The following AP2A1 variants were observed in gnomAD, a reference collection of about 807,000 sequenced individuals.
The protein encoded by AP2A1 is AP-2 complex subunit alpha-1.
Under a neutral mutation model 107.3 loss-of-function variants are expected in AP2A1, and 21 were observed. That is an observed-to-expected ratio of 0.20 (90% CI 0.14 to 0.28). The LOEUF (loss-of-function observed/expected upper bound fraction) is 0.28. AP2A1 is among the 10% of genes least tolerant of loss of function. The pLI is 1.00. For synonymous variants in AP2A1, 602 were observed against 564.8 expected (o/e 1.07, Z -0.93); for missense variants, 873 against 1,307.7 (o/e 0.67, Z 5.13).
chr19:49,803,360 G>T lies in AP2A1; in HGVS notation c.2328G>T (p.Pro776=), dbSNP rs1486077073. 4 of 1,613,648 alleles carry T rather than the reference G, an allele frequency of 2.5e-6. No homozygotes were observed. Among genetic ancestry groups the T allele is most frequent in the Non-Finnish European group, 3.4e-6 (4 of 1,179,822 alleles). The part of the protein sequence containing the change: ...FQNFSPTVVH[P]GDLQTQLAVQ... ...ATTTCTCACCCACTGTGGTTCACCC[G>T]GGAGACCTCCAGACTCATATCCTCT... The change falls in exon 18 of 23, where the codon CCG becomes CCT. Residue 776 remains proline, a synonymous_variant. Transcript: ENST00000354293.
intron 6 of AP2A1, among the ~76,000 whole-genome samples, chr19:49,794,802 A>G (rs535093532): frequency 7.9e-5 from 12 of 152,238 alleles, no homozygotes; most frequent in African/African-American, 2.4e-4. Context: ...AGCATGGATC[A>G]CAGGCATGTG....
At chr19:49,771,469 C>T (rs185569518) in intron 1 of AP2A1, among the ~76,000 whole-genome samples, 14 of 151,574 alleles carry the variant, frequency 9.2e-5, no homozygotes, top group South Asian at 4.2e-4. Context: ...ACAAAAATGG[C>T]GCGATCTTGG....
intron 4 of AP2A1, among the ~76,000 whole-genome samples, chr19:49,789,819 T>C (rs1409680920): frequency 6.6e-6 from 1 of 152,172 alleles, no homozygotes; most frequent in African/African-American, 2.4e-5. Flanking sequence ...GGTCAGTGGC[T>C]TACCCCCATC....
At position 49,802,017 on chromosome 19, in the gene AP2A1, C is replaced by A; in HGVS notation, c.1990C>A (p.Arg664=). 1.3e-6 allele frequency: 2 copies of A among 1,554,268 alleles called. No homozygotes were observed. The highest frequency in any genetic ancestry group is 1.2e-5 in the South Asian group (1 of 84,840). The change falls in exon 15 of 23, where the codon CGG becomes AGG. Residue 664 remains arginine, a synonymous_variant. Transcript: ENST00000354293. ...GCCCTCCGCCGACCTCCTGGGGCTG[C>A]GGGCAGCCCCTCCCCCGGCAGCACC... The part of the protein sequence containing the change: ...PSPSADLLGL[R]AAPPPAAPPA...
intron 4 of AP2A1, among the ~76,000 whole-genome samples, chr19:49,783,907 C>T (rs1278457158): frequency 6.6e-6 from 1 of 152,224 alleles, no homozygotes; most frequent in Non-Finnish European, 1.5e-5. Context: ...TGACTTTACC[C>T]TATCTGGGTA....
chr19:49,805,335 C>A, intron 18 of AP2A1, 118 bp from the exon 19 acceptor site: 1 of 1,213,944 alleles, frequency 8.2e-7, no homozygotes, highest in Non-Finnish European at 1.1e-6. Flanking sequence ...TCCAGGATTG[C>A]ACCATGGGGT....
chr19:49,767,579 G>A (rs551755722), intron 1 of AP2A1, among the ~76,000 whole-genome samples: 5 of 152,222 alleles, frequency 3.3e-5, no homozygotes, highest in African/African-American at 1.2e-4. Flanking sequence ...TATGGCGGGG[G>A]TGCCCTGTGG....
intron 16 of AP2A1, 32 bp from the exon 17 acceptor site, chr19:49,803,075 C>T (rs777456814): frequency 6.2e-7 from 1 of 1,613,442 alleles, no homozygotes; most frequent in Non-Finnish European, 8.5e-7. Flanking sequence ...CAGACAGGCA[C>T]CCCCGTCATC....
chr19:49,795,109 A>G (rs2073195695), intron 6 of AP2A1, among the ~76,000 whole-genome samples: 1 of 152,246 alleles, frequency 6.6e-6, no homozygotes, highest in South Asian at 2.1e-4. Flanking sequence ...ACTACAGGAA[A>G]CAGCCTCCAG....
intron 1 of AP2A1, among the ~76,000 whole-genome samples, chr19:49,769,932 G>A (rs1204831690): frequency 6.6e-6 from 1 of 151,954 alleles, no homozygotes; most frequent in Non-Finnish European, 1.5e-5. Context: ...GCAGTGGCAC[G>A]ATCATACCTC....
At position 49,801,876 on chromosome 19, in the gene AP2A1, C is replaced by A; in HGVS notation, c.1940C>A (p.Thr647Asn). 6.7e-7 allele frequency: 1 copy of A among 1,492,338 alleles called. No individual in the cohort carries two copies. The highest frequency in any genetic ancestry group is 2.4e-5 in the East Asian group (1 of 42,430). The allele number at this position is 1,492,338 out of a possible 1,614,324, so 92.4% of individuals were successfully genotyped here. A position where few individuals can be genotyped will look rare whatever the true frequency, so the allele number is the denominator to read the frequency against. The change falls in exon 14 of 23, where the codon ACC (threonine) becomes AAC (asparagine). Residue 647 changes from threonine (T) to asparagine (N), a missense_variant. By Grantham distance (65) the Thr-to-Asn change is moderately conservative (BLOSUM62 0). Around this residue, in one of 4 missense-constraint regions of AP2A1, gnomAD observed 416 missense variants for 473.4 expected, o/e 0.88. Transcript: ENST00000354293. ...GACATCAACGGGGGCATGGAGCCCACCCCCAGCACTGTGGTGAGTCCCCTG... is the reference window on the plus strand; with the variant it reads ...GACATCAACGGGGGCATGGAGCCCAACCCCAGCACTGTGGTGAGTCCCCTG... ...SNDINGGMEP[T>N]PSTVSTPSPS...
rs146454944 is a variant in AP2A1 at position 49,781,922 on chromosome 19, C to T, written c.137-25C>T. On this transcript the variant is annotated intron_variant, in intron 2 of 22. Transcript: ENST00000354293. ...TGTGACCCTTCCTTATTTCTGGCTC[C>T]CCTTTCCTCCTTCCTCTGCCCTAGG... 1.9e-6 allele frequency: 3 copies of T among 1,609,014 alleles called. No homozygotes were observed. The African/African-American group carries it at 4.0e-5, about 22-fold the overall frequency.
chr19:49,801,577 G>A lies in AP2A1; in HGVS notation c.1741G>A (p.Val581Met). ...NADVELQQRA[V>M]EYLTLSSVAS... ...TGACGTGGAGCTGCAGCAGCGAGCC[G>A]TGGAGTACCTCACCCTCAGCTCAGT... The change falls in exon 13 of 23, where the codon GTG (valine) becomes ATG (methionine). Residue 581 changes from valine to methionine, a missense_variant. By Grantham distance (21) the Val-to-Met change is conservative (BLOSUM62 1). Transcript: ENST00000354293. 1.2e-6 allele frequency: 2 copies of A among 1,613,396 alleles called. No individual in the cohort carries two copies. Among genetic ancestry groups the A allele is most frequent in the Non-Finnish European group, 1.7e-6 (2 of 1,179,788 alleles).
chr19:49,795,638 C>G lies in AP2A1; in HGVS notation c.714C>G (p.Ser238=), dbSNP rs1190776592. ...LAVSRLSRIV[S]SASTDLQDYT... ...TTGCTCTTCCCCGCCAGATCGTCTC[C>G]TCTGCCTCCACCGACCTCCAGGACT... The change falls in exon 7 of 23, where the codon TCC becomes TCG. Residue 238 remains serine, a synonymous_variant. Transcript: ENST00000354293. 2.6e-6 allele frequency: 4 copies of G among 1,559,552 alleles called. No individual in the cohort carries two copies. The South Asian group carries it at 4.7e-5, about 18-fold the overall frequency.
chr19:49,781,863 G>A (rs1377735709), intron 2 of AP2A1, 38 bp downstream of exon 2: 1 of 1,610,406 alleles, frequency 6.2e-7, no homozygotes, highest in Non-Finnish European at 8.5e-7. Flanking sequence ...TGAGGGAGGA[G>A]GGGGCTGGGA....
At chr19:49,804,242 AG>A (rs1031148222) in intron 18 of AP2A1, 10 of 151,778 alleles carry the variant, frequency 6.6e-5, no homozygotes, top group African/African-American at 2.4e-4. Context: ...GAAAAAGAAA[AG>A]AAAAAATTCC....
chr19:49,806,850 A>G lies in AP2A1; in HGVS notation c.*92A>G. Reference sequence around the variant, plus strand: ...TGGATGGGGGACCTCCACTGGTGACAGAGAAGACACCAGGGTTTGGGGGAT... The same window carrying G: ...TGGATGGGGGACCTCCACTGGTGACGGAGAAGACACCAGGGTTTGGGGGAT... On this transcript the variant is annotated 3_prime_UTR_variant, in exon 23 of 23. Transcript: ENST00000354293. 6.3e-7 allele frequency: 1 copy of G among 1,591,112 alleles called. No homozygotes were observed. The highest frequency in any genetic ancestry group is 8.5e-7 in the Non-Finnish European group (1 of 1,171,656).
intron 6 of AP2A1, among the ~76,000 whole-genome samples, chr19:49,794,756 G>A (rs574419405): frequency 2.0e-5 from 3 of 152,112 alleles, no homozygotes; most frequent in East Asian, 3.9e-4. Flanking sequence ...TCTGCCTCCC[G>A]GGTTCAAGCA....
In AP2A1 at chr19:49,798,846, G is replaced by A. The variant is rs747466046; in HGVS notation, c.859G>A (p.Val287Met). 10 of 1,603,050 alleles carry A rather than the reference G, an allele frequency of 6.2e-6. No individual in the cohort carries two copies. The South Asian group carries it at 9.0e-5, about 14-fold the overall frequency. The change falls in exon 8 of 23, where the codon GTG (valine) becomes ATG (methionine). Residue 287 changes from valine (V) to methionine (M), a missense_variant. This residue lies in a region of AP2A1 where 157 missense variants were observed against 212.6 expected (regional missense o/e 0.74). Transcript: ENST00000354293. ...KGRLVECLET[V>M]LNKAQEPPKS... The stretch of plus-strand genomic sequence containing the variant: ...GCGGCTGGTGGAATGTCTGGAGACT[G>A]TGCTCAACAAGGCCCAGGAGCCCCC...
Sources: gnomAD v4.1 joint callset for allele counts (sites outside exome capture counted in the v4.1 genomes callset) on GRCh38, gnomAD v4.1.1 for gene constraint, gnomAD v4.1.1 regional missense constraint, MANE v1.5 for transcripts, NCBI Gene and HGNC (gene_info 2026-07-23, HGNC 2026-07-21) for gene names.